Variants in ZC3H12B observed in about 807,000 individuals in gnomAD.
ZC3H12B encodes the protein zinc finger CCCH-type containing 12B.
ZC3H12B carries 7 observed loss-of-function variants against 43.9 expected under a neutral mutation model. The ratio of observed to expected loss-of-function variants is 0.16; its 90% confidence interval spans 0.09 to 0.30. ZC3H12B has a LOEUF of 0.30. Among genes scored for constraint, ZC3H12B ranks in the 10% least tolerant of loss-of-function variants. ZC3H12B has a pLI of 1.00. For missense variants in ZC3H12B, 475 were observed against 670.2 expected, an observed-to-expected ratio of 0.71 and a Z score of 3.22; for synonymous variants, 222 against 241.7, an observed-to-expected ratio of 0.92 and a Z score of 0.76.
chrX:65,306,429 G>A, the ZC3H12B span, among the ~76,000 whole-genome samples: 2 of 111,807 alleles, frequency 1.8e-5, no homozygotes, highest in Non-Finnish European at 3.8e-5. Flanking sequence ...CTGGAGTGCA[G>A]TGGTGTGATC....
chrX:65,148,767 A>G, the ZC3H12B span, among the ~76,000 whole-genome samples: 1 of 111,720 alleles, frequency 9.0e-6, no homozygotes, highest in Non-Finnish European at 1.9e-5. Flanking sequence ...TGCTACACCC[A>G]GATGTTCTAA....
At chrX:65,222,681 T>A in the ZC3H12B span, among the ~76,000 whole-genome samples, 4 of 107,855 alleles carry the variant, frequency 3.7e-5, no homozygotes, top group African/African-American at 1.3e-4. Flanking sequence ...TAACCAAGGC[T>A]GTGAAAGACC....
At chrX:65,424,004 C>T (rs1429605129) in intron 3 of ZC3H12B, among the ~76,000 whole-genome samples, 1 of 111,703 alleles carries the variant, frequency 9.0e-6, no homozygotes, top group Non-Finnish European at 1.9e-5. Flanking sequence ...TATTGTAGGT[C>T]TTTTCTGCAT....
the ZC3H12B span, among the ~76,000 whole-genome samples, chrX:65,346,041 A>C: frequency 8.9e-6 from 1 of 111,748 alleles, no homozygotes; most frequent in African/African-American, 3.3e-5. Context: ...AAATGCTCAT[A>C]CAACCCAAAG....
intron 3 of ZC3H12B, among the ~76,000 whole-genome samples, chrX:65,442,072 G>A (rs550934570): frequency 3.8e-5 from 4 of 105,397 alleles, no homozygotes; most frequent in African/African-American, 1.4e-4. Context: ...TTTTTAGTAT[G>A]ACCATGCTTC....
At chrX:65,164,926 A>T in the ZC3H12B span, among the ~76,000 whole-genome samples, 3 of 112,167 alleles carry the variant, frequency 2.7e-5, no homozygotes, top group Non-Finnish European at 5.6e-5. Flanking sequence ...TTCTCACATA[A>T]ATCAGAAAAT....
chrX:65,393,451 C>A (rs942554675), intron 2 of ZC3H12B, among the ~76,000 whole-genome samples: 1 of 110,300 alleles, frequency 9.1e-6, no homozygotes, highest in Non-Finnish European at 1.9e-5. Flanking sequence ...CATCCCCTTG[C>A]CCCACAACCC....
chrX:65,109,477 C>T, the ZC3H12B span, among the ~76,000 whole-genome samples: 4 of 111,716 alleles, frequency 3.6e-5, no homozygotes, highest in Non-Finnish European at 5.7e-5. Context: ...CTAGTTTCTT[C>T]CACTTCGTAT....
At chrX:65,284,570 T>A in the ZC3H12B span, among the ~76,000 whole-genome samples, 1 of 111,418 alleles carries the variant, frequency 9.0e-6, no homozygotes, top group Non-Finnish European at 1.9e-5. Context: ...CAGAACAGCC[T>A]GGCCAACATG....
At chrX:65,254,716 G>T in the ZC3H12B span, among the ~76,000 whole-genome samples, 1 of 111,896 alleles carries the variant, frequency 8.9e-6, no homozygotes, top group African/African-American at 3.2e-5. Flanking sequence ...GGCTGAAATG[G>T]CTGAAATGAC....
At chrX:65,476,987 A>ATT (rs1484822477) in intron 3 of ZC3H12B, among the ~76,000 whole-genome samples, 1 of 87,213 alleles carries the variant, frequency 1.1e-5, no homozygotes, top group African/African-American at 8.5e-5. Flanking sequence ...ACTCCTGACT[A>ATT]ATTTTTTTTT....
chrX:65,394,243 GC>G, intron 2 of ZC3H12B, among the ~76,000 whole-genome samples: 1 of 112,242 alleles, frequency 8.9e-6, no homozygotes, highest in South Asian at 3.7e-4. Context: ...TGTTGCCATT[GC>G]TTTTGGTGTT....
the ZC3H12B span, among the ~76,000 whole-genome samples, chrX:65,100,716 A>G: frequency 4.5e-5 from 5 of 110,363 alleles, no homozygotes; most frequent in Non-Finnish European, 9.5e-5. Context: ...CTAAATATAT[A>G]TGCACCCAAT....
chrX:65,494,960 A>G (rs16988885), intron 1 of ZC3H12B, among the ~76,000 whole-genome samples: 4,076 of 111,373 alleles, frequency 0.037, 177 homozygotes, highest in African/African-American at 0.13. Flanking sequence ...CTCTAATGGC[A>G]ATTCTGATAA....
chrX:65,436,366 T>C (rs2067222203), intron 3 of ZC3H12B, among the ~76,000 whole-genome samples: 1 of 112,419 alleles, frequency 8.9e-6, no homozygotes, highest in South Asian at 3.7e-4. Context: ...TAGGAGAAGA[T>C]GAATGTCCCA....
the ZC3H12B span, among the ~76,000 whole-genome samples, chrX:65,343,884 G>T: frequency 1.2e-4 from 13 of 111,884 alleles, no homozygotes; most frequent in African/African-American, 4.2e-4. Context: ...AAAGTCAAAT[G>T]ATCCCTGTTT....
chrX:65,317,079 T>C, the ZC3H12B span, among the ~76,000 whole-genome samples: 1 of 110,786 alleles, frequency 9.0e-6, no homozygotes, highest in Non-Finnish European at 1.9e-5. Context: ...AGGGGGTAAA[T>C]TAAACAAGAA....
chrX:65,238,245 A>T, the ZC3H12B span, among the ~76,000 whole-genome samples: 1 of 111,978 alleles, frequency 8.9e-6, no homozygotes. Flanking sequence ...GTTGGTTGGT[A>T]GGCTACTTAT....
At chrX:65,285,590 T>C in the ZC3H12B span, among the ~76,000 whole-genome samples, 1 of 111,394 alleles carries the variant, frequency 9.0e-6, no homozygotes, top group Non-Finnish European at 1.9e-5. Flanking sequence ...AAAAAAATAC[T>C]GCCACCCAAC....
Sources: allele counts gnomAD v4.1 joint callset (sites outside exome capture counted in the v4.1 genomes callset), GRCh38; gene constraint gnomAD v4.1.1; transcripts MANE v1.5; gene names NCBI Gene and HGNC (gene_info 2026-07-23, HGNC 2026-07-21).